NGEF: variants seen among roughly 807,000 people sequenced by gnomAD.
NGEF encodes the protein neuronal guanine nucleotide exchange factor, also known as ephexin-1.
Under a neutral mutation model 80.9 loss-of-function variants are expected in NGEF, and 31 were observed. The ratio of observed to expected loss-of-function variants is 0.38; its 90% CI spans 0.29 to 0.52. NGEF has a LOEUF of 0.52. NGEF is among the 20% of genes least tolerant of loss of function. The pLI, the probability that NGEF is intolerant of heterozygous loss-of-function variation, is 0.84. For synonymous variants in NGEF, 371 were observed against 370.2 expected (o/e 1.00, Z -0.03); for missense variants, 709 against 926.2 (o/e 0.77, Z 3.04).
intron 1 of NGEF, among the ~76,000 whole-genome samples, chr2:232,995,628 CTGTATATATGTATTATAG>C (rs1454444946): frequency 0.035 from 878 of 25,182 alleles, 21 homozygotes; most frequent in African/African-American, 0.1. Context: ...CGTATGTATA[CTGTATATATGTATTATAG>C]TGTATATATG....
At chr2:232,897,866 G>C (rs1469361646) in intron 5 of NGEF, among the ~76,000 whole-genome samples, 1 of 152,006 alleles carries the variant, frequency 6.6e-6, no homozygotes, top group African/African-American at 2.4e-5. Flanking sequence ...GCGACGGTCA[G>C]AGACGAGACG....
chr2:233,008,043 G>T (rs1431962005), intron 1 of NGEF, among the ~76,000 whole-genome samples: 1 of 152,216 alleles, frequency 6.6e-6, no homozygotes, highest in Non-Finnish European at 1.5e-5. Context: ...AAACTGTCTT[G>T]ATCTTTGTCC....
At chr2:232,879,717 T>C (rs1691427150) in intron 14 of NGEF, 38 bp from the exon 15 acceptor site, 1 of 1,586,774 alleles carries the variant, frequency 6.3e-7, no homozygotes, top group Non-Finnish European at 8.6e-7. Context: ...TCAGTGCTCC[T>C]GCAGGGCACA....
At chr2:233,007,480 G>T (rs141304660) in intron 1 of NGEF, among the ~76,000 whole-genome samples, 6 of 152,154 alleles carry the variant, frequency 3.9e-5, no homozygotes, top group African/African-American at 1.4e-4. Context: ...GAAGAGCAGC[G>T]CAAACTGGTG....
At chr2:232,923,144 A>G (rs1692980899) in intron 4 of NGEF, among the ~76,000 whole-genome samples, 2 of 152,220 alleles carry the variant, frequency 1.3e-5, no homozygotes, top group Admixed American at 6.5e-5. Flanking sequence ...AAAGTGTCTC[A>G]CTTGGCATAT....
chr2:232,879,665 C>T lies in NGEF; in HGVS notation c.1957G>A (p.Glu653Lys), dbSNP rs544040415. 25 of 1,612,518 alleles carry T rather than the reference C, an allele frequency of 1.6e-5. No individual in the cohort carries two copies. The highest frequency in any genetic ancestry group is 1.7e-4 in the Middle Eastern group (1 of 6,054). Residue 653 changes from glutamate (E) to lysine (K), a missense_variant, in exon 15 of 15, where the codon GAG becomes AAG. Physicochemically the swap from Glu to Lys is moderately conservative, Grantham distance 56. Coordinates refer to ENST00000264051, the MANE Select transcript of NGEF (RefSeq NM_019850.3). ...CCTCTCTCCTGGTCGTGCAGACGCT[C>T]GCCAAAGATCCACCCTGTGCAGGGA... Reference protein sequence around the residue: ...DKTDDGWIFGERLHDQERGWF... With the variant: ...DKTDDGWIFGKRLHDQERGWF...
chr2:232,934,945 T>C (rs1462468846), intron 3 of NGEF, among the ~76,000 whole-genome samples: 1 of 151,794 alleles, frequency 6.6e-6, no homozygotes, highest in Admixed American at 6.6e-5. Context: ...GAGGTGAAGG[T>C]TGAAGTATGC....
At chr2:232,938,943 G>A (rs1000593103) in intron 3 of NGEF, among the ~76,000 whole-genome samples, 9 of 151,938 alleles carry the variant, frequency 5.9e-5, no homozygotes, top group Admixed American at 2.6e-4. Flanking sequence ...CACTTTGGGA[G>A]GCCGAGGCAG....
intron 5 of NGEF, among the ~76,000 whole-genome samples, chr2:232,916,471 A>G (rs1692805536): frequency 1.3e-5 from 2 of 152,258 alleles, no homozygotes; most frequent in African/African-American, 4.8e-5. Context: ...ATTAAAAAAA[A>G]GAATTAATAT....
intron 6 of NGEF, among the ~76,000 whole-genome samples, chr2:232,894,313 C>A (rs1354606997): frequency 6.6e-6 from 1 of 152,232 alleles, no homozygotes; most frequent in Non-Finnish European, 1.5e-5. Context: ...CAGGGCTGCA[C>A]CCTGCACAGG....
intron 8 of NGEF, 67 bp downstream of exon 8, chr2:232,891,289 CAG>C: frequency 6.3e-7 from 1 of 1,587,378 alleles, no homozygotes; most frequent in Non-Finnish European, 8.6e-7. Context: ...AGAAAGCTGA[CAG>C]GGCCCGGGAA....
rs547851287 is a variant in NGEF, at chr2:232,961,015, C to T, written c.383+9199G>A. Reference sequence around the variant, plus strand: ...TGCAATGATTGTGCTTTCCTCCTGCCGTGCTGCCCAGCTCACCATGACTCA... The same window carrying T: ...TGCAATGATTGTGCTTTCCTCCTGCTGTGCTGCCCAGCTCACCATGACTCA... On this transcript the variant is annotated intron_variant, in intron 3 of 14. Transcript: ENST00000264051. Among the ~76,000 whole-genome samples, 45 of 152,288 alleles carry T rather than the reference C, an allele frequency of 3.0e-4. No homozygotes were observed. The South Asian group carries it at 7.1e-3, about 24-fold the overall frequency.
chr2:233,000,377 G>C (rs1249008316), intron 1 of NGEF, among the ~76,000 whole-genome samples: 1 of 152,138 alleles, frequency 6.6e-6, no homozygotes, highest in Non-Finnish European at 1.5e-5. Context: ...GATTGCAGGT[G>C]TGAGCCACCG....
intron 1 of NGEF, among the ~76,000 whole-genome samples, chr2:232,977,886 G>A (rs1452479668): frequency 1.3e-5 from 2 of 152,174 alleles, no homozygotes; most frequent in Non-Finnish European, 2.9e-5. Flanking sequence ...AGTGACTTGT[G>A]GTGGTTTTGA....
chr2:232,988,156 G>C (rs1475865266), intron 1 of NGEF, among the ~76,000 whole-genome samples: 1 of 151,526 alleles, frequency 6.6e-6, no homozygotes, highest in Non-Finnish European at 1.5e-5. Flanking sequence ...AGGTGCCTTA[G>C]CTGGCTGATC....
chr2:232,896,924 G>C (rs1177276053), intron 5 of NGEF, among the ~76,000 whole-genome samples: 11 of 133,424 alleles, frequency 8.2e-5, no homozygotes, highest in Non-Finnish European at 1.8e-4. Flanking sequence ...GTAGGGATGA[G>C]GTGAGGGTAG....
chr2:232,983,630 A>C (rs12990766), intron 1 of NGEF, among the ~76,000 whole-genome samples: 1 of 151,934 alleles, frequency 6.6e-6, no homozygotes, highest in Non-Finnish European at 1.5e-5. Flanking sequence ...GAGAGGAAGC[A>C]AGAATGTGCG....
Position 232,902,650 on chromosome 2 carries a change from A to G in NGEF, c.829-7734T>C, listed in dbSNP as rs188797357. Among the ~76,000 whole-genome samples, 14 of 152,386 alleles carry G rather than the reference A, an allele frequency of 9.2e-5. No homozygotes were observed. In the East Asian group the frequency reaches 1.7e-3, roughly 19 times the overall value. On this transcript the variant is annotated intron_variant, in intron 5 of 14. Coordinates refer to ENST00000264051, the MANE Select transcript of NGEF (RefSeq NM_019850.3). ...AAAATAAGTGTGTGTAAATTTAAAA[A>G]GACACATGCTTGAGAACATGTTCAG...
At chr2:232,954,712 G>A (rs532398329) in intron 3 of NGEF, among the ~76,000 whole-genome samples, 9 of 142,602 alleles carry the variant, frequency 6.3e-5, no homozygotes, top group Non-Finnish European at 1.4e-4. Context: ...GTGATAGAGC[G>A]AGACTCCGTC....
Sources: gnomAD v4.1 joint callset for allele counts (sites outside exome capture counted in the v4.1 genomes callset) on GRCh38, gnomAD v4.1.1 for gene constraint, MANE v1.5 for transcripts, NCBI Gene and HGNC (gene_info 2026-07-23, HGNC 2026-07-21) for gene names.